IL20RA: variants seen among roughly 807,000 people sequenced by gnomAD.
IL20RA encodes interleukin 20 receptor subunit alpha, also known as interleukin-20 receptor subunit alpha.
Under a neutral mutation model 36.5 loss-of-function variants are expected in IL20RA, and 29 were observed. That is an observed-to-expected ratio of 0.79 (90% CI 0.59 to 1.08). IL20RA has a LOEUF of 1.08. Among genes scored for constraint, IL20RA ranks in the 50% least tolerant of loss-of-function variants. The pLI is 0.00. For missense variants in IL20RA, 652 were observed against 668.4 expected (o/e 0.98, Z 0.27); for synonymous variants, 279 against 267.1 (o/e 1.04, Z -0.43).
chr6:137,016,057 T>G (rs1327741505), intron 2 of IL20RA, among the ~76,000 whole-genome samples: 1 of 152,210 alleles, frequency 6.6e-6, no homozygotes, highest in Non-Finnish European at 1.5e-5. Context: ...CCTCAGGTTT[T>G]GGGCTGCAGG....
intron 1 of IL20RA, among the ~76,000 whole-genome samples, chr6:137,019,110 C>T (rs1413712316): frequency 6.8e-6 from 1 of 148,040 alleles, no homozygotes; most frequent in Non-Finnish European, 1.5e-5. Context: ...TTATCTTCTA[C>T]AACACTGTAT....
intron 1 of IL20RA, among the ~76,000 whole-genome samples, chr6:137,040,007 G>A (rs182529892): frequency 6.6e-6 from 1 of 152,242 alleles, no homozygotes; most frequent in Non-Finnish European, 1.5e-5. Flanking sequence ...ATCTTCATGG[G>A]ATATTATAAA....
At chr6:137,044,435 G>A in intron 1 of IL20RA, 2 of 897,882 alleles carry the variant, frequency 2.2e-6, no homozygotes, top group East Asian at 3.9e-5. Flanking sequence ...CCCGAGCCAA[G>A]GTGCGCGAGG....
rs1247239444 is a variant in IL20RA, at chr6:137,009,454, C to T, written c.442G>A (p.Glu148Lys). Residue 148 changes from glutamate (E) to lysine (K), a missense_variant, in exon 4 of 7, where the codon GAG becomes AAG. Transcript: ENST00000316649. ...GPPEVALTTD[E>K]KSISVVLTAP... The stretch of plus-strand genomic sequence containing the variant: ...GTCAGGACAACAGAAATGGACTTCT[C>T]ATCTGTAGTCAGTGCCACCTCTGGT... 1.2e-6 allele frequency: 2 copies of T among 1,612,818 alleles called. No individual in the cohort carries two copies. Among genetic ancestry groups the T allele is most frequent in the African/African-American group, 1.3e-5 (1 of 74,892 alleles).
rs180978406 is a variant in IL20RA, at chr6:137,044,951, G to T, written c.-223C>A. The T allele has an allele frequency of 1.7e-4, 59 of 341,428 alleles. No homozygotes were observed. The highest frequency in any genetic ancestry group is 2.1e-5 in the Non-Finnish European group (4 of 193,210). The allele number at this position is 341,428 out of a possible 1,614,324, so 21.1% of individuals were successfully genotyped here. On this transcript the variant is annotated 5_prime_UTR_variant, in exon 1 of 7. Transcript: ENST00000316649. Reference sequence around the variant, plus strand: ...CGGAGCCCCCACGCGCGCTCCCCCGGCTACCCAGCTGGATGGCAGCGCGAG... The same window carrying T: ...CGGAGCCCCCACGCGCGCTCCCCCGTCTACCCAGCTGGATGGCAGCGCGAG...
In IL20RA at chr6:137,009,388, C is replaced by G; in HGVS notation, c.508G>C (p.Val170Leu). The G allele has an allele frequency of 1.9e-6, 3 of 1,612,852 alleles. No individual in the cohort carries two copies. The highest frequency in any genetic ancestry group is 2.5e-6 in the Non-Finnish European group (3 of 1,178,966). Residue 170 changes from valine to leucine, a missense_variant, in exon 4 of 7, where the codon GTT (valine) becomes CTT (leucine). Coordinates refer to ENST00000316649, the MANE Select transcript of IL20RA (RefSeq NM_014432.4). ...KWKRNPEDLP[V>L]SMQQIYSNLK... Reference sequence around the variant, plus strand: ...TTGGAGTATATTTGTTGCATGGAAACAGGAAGGTCTTCTGGATTTCTCTTC... The same window carrying G: ...TTGGAGTATATTTGTTGCATGGAAAGAGGAAGGTCTTCTGGATTTCTCTTC...
intron 2 of IL20RA, among the ~76,000 whole-genome samples, chr6:137,011,946 A>G (rs1402977996): frequency 2.0e-5 from 3 of 152,210 alleles, no homozygotes; most frequent in Non-Finnish European, 4.4e-5. Flanking sequence ...TGGAGTGCAT[A>G]CAGAAATCTG....
chr6:137,027,813 C>T (rs1318118218), intron 1 of IL20RA, among the ~76,000 whole-genome samples: 1 of 152,192 alleles, frequency 6.6e-6, no homozygotes, highest in Non-Finnish European at 1.5e-5. Flanking sequence ...GGTGGATGCT[C>T]AGGCCCAAGT....
chr6:137,027,879 A>G (rs776015518), intron 1 of IL20RA, among the ~76,000 whole-genome samples: 8 of 152,224 alleles, frequency 5.3e-5, no homozygotes, highest in Non-Finnish European at 7.3e-5. Context: ...TAAGTGGGAA[A>G]TGCTCCCAAG....
intron 1 of IL20RA, among the ~76,000 whole-genome samples, chr6:137,022,419 A>G (rs1775936877): frequency 6.6e-6 from 1 of 152,208 alleles, no homozygotes; most frequent in Non-Finnish European, 1.5e-5. Context: ...ATTTGAAACC[A>G]CAGTTAAATT....
intron 2 of IL20RA, among the ~76,000 whole-genome samples, chr6:137,015,797 C>T (rs1775662815): frequency 6.6e-6 from 1 of 152,142 alleles, no homozygotes; most frequent in Non-Finnish European, 1.5e-5. Flanking sequence ...GATGGGACTA[C>T]AGGCATGCAC....
intron 5 of IL20RA, among the ~76,000 whole-genome samples, chr6:137,005,919 C>T (rs776663144): frequency 1.8e-4 from 28 of 152,206 alleles, no homozygotes; most frequent in Non-Finnish European, 2.6e-4. Flanking sequence ...TGTGAGCCAA[C>T]GCCTTAAAAT....
At chr6:137,027,474 G>A (rs1263079414) in intron 1 of IL20RA, among the ~76,000 whole-genome samples, 2 of 152,172 alleles carry the variant, frequency 1.3e-5, no homozygotes, top group Non-Finnish European at 2.9e-5. Flanking sequence ...AGTAGCTCAG[G>A]GAGAGATTCC....
intron 1 of IL20RA, among the ~76,000 whole-genome samples, chr6:137,024,357 G>A (rs1776012847): frequency 6.6e-6 from 1 of 152,212 alleles, no homozygotes; most frequent in Non-Finnish European, 1.5e-5. Flanking sequence ...GTGAAAACAT[G>A]TCACACCCAC....
chr6:137,007,794 T>C (rs1056651982), intron 5 of IL20RA, among the ~76,000 whole-genome samples: 3 of 152,202 alleles, frequency 2.0e-5, no homozygotes, highest in African/African-American at 4.8e-5. Context: ...CAGACCCTCA[T>C]GCAGCCAATT....
intron 1 of IL20RA, among the ~76,000 whole-genome samples, chr6:137,031,912 G>A (rs1344498065): frequency 5.9e-5 from 9 of 151,542 alleles, no homozygotes; most frequent in African/African-American, 1.7e-4. Context: ...TTAGTCGGTC[G>A]TGGCAGCGCA....
chr6:137,044,266 C>G (rs971659968), intron 1 of IL20RA: 1 of 994,870 alleles, frequency 1.0e-6, no homozygotes, highest in Non-Finnish European at 1.2e-6. Flanking sequence ...GTGGCGGGAA[C>G]CTGGGACTGG....
intron 1 of IL20RA, among the ~76,000 whole-genome samples, chr6:137,033,354 T>C (rs1397219330): frequency 3.3e-5 from 5 of 152,224 alleles, no homozygotes; most frequent in Non-Finnish European, 7.3e-5. Context: ...AGTTTGGATA[T>C]GTGTCCTTGC....
At position 137,011,323 on chromosome 6, in the gene IL20RA, T is replaced by C. The variant is rs777717458; in HGVS notation, c.354A>G (p.Thr118=). The change falls in exon 3 of 7, where the codon ACA becomes ACG. Residue 118 remains threonine (T), a synonymous_variant. Transcript: ENST00000316649. ...YYAKVKAIWG[T]KCSKWAESGR... is the part of the protein sequence containing the mutation. ...CACTTTCAGCCCATTTGGAACACTT[T>C]GTTCCCCAAATGGCCTTAACTTTGG... The C allele has an allele frequency of 9.3e-6, 15 of 1,613,740 alleles. No individual in the cohort carries two copies. In the Admixed American group the frequency reaches 1.0e-4, roughly 11 times the overall value.
Sources: allele counts gnomAD v4.1 joint callset (sites outside exome capture counted in the v4.1 genomes callset), GRCh38; gene constraint gnomAD v4.1.1; transcripts MANE v1.5; gene names NCBI Gene and HGNC (gene_info 2026-07-23, HGNC 2026-07-21).